CADM2: variants seen among roughly 807,000 people sequenced by gnomAD.
The protein encoded by CADM2 is immunoglobulin superfamily member 4D.
CADM2 carries 12 observed loss-of-function variants against 49.8 expected under a neutral mutation model. The observed-to-expected ratio is 0.24, with a 90% CI of 0.15 to 0.39. The LOEUF is 0.39. Ranked by LOEUF, CADM2 falls within the 10% of genes least tolerant of loss-of-function variation. The probability of loss-of-function intolerance (pLI) is 1.00; values close to 1 mark genes in which losing one functional copy is unlikely to be tolerated. For synonymous variants in CADM2, 214 were observed against 175.4 expected, an observed-to-expected ratio of 1.22 and a Z score of -1.74; for missense variants, 378 against 492.3, an observed-to-expected ratio of 0.77 and a Z score of 2.20.
chr3:85,397,432 T>C (rs2034847003), intron 1 of CADM2, among the ~76,000 whole-genome samples: 2 of 152,144 alleles, frequency 1.3e-5, no homozygotes, highest in African/African-American at 4.8e-5. Context: ...TGTACACCTA[T>C]GTTCATAGCA....
chr3:85,078,359 A>C (rs565672071), intron 1 of CADM2, among the ~76,000 whole-genome samples: 4 of 152,072 alleles, frequency 2.6e-5, no homozygotes, highest in Non-Finnish European at 5.9e-5. Context: ...TTCCTGCTAC[A>C]GATAGAAGGT....
intron 1 of CADM2, among the ~76,000 whole-genome samples, chr3:85,552,623 G>T (rs1450951736): frequency 6.6e-6 from 1 of 150,934 alleles, no homozygotes; most frequent in African/African-American, 2.4e-5. Context: ...CTTGTGATCC[G>T]CCCACCTCAA....
chr3:85,060,103 G>A (rs2107440090), intron 1 of CADM2, among the ~76,000 whole-genome samples: 1 of 151,900 alleles, frequency 6.6e-6, no homozygotes, highest in African/African-American at 2.4e-5. Context: ...ATACCTTTTT[G>A]TACTCTCCAG....
chr3:85,175,795 G>T (rs1235010065), intron 1 of CADM2, among the ~76,000 whole-genome samples: 1 of 151,020 alleles, frequency 6.6e-6, no homozygotes, highest in Non-Finnish European at 1.5e-5. Context: ...ATTGTTTAAT[G>T]AAATAATGAA....
intron 1 of CADM2, among the ~76,000 whole-genome samples, chr3:85,416,379 G>A (rs1422259523): frequency 2.0e-5 from 3 of 151,818 alleles, no homozygotes; most frequent in Non-Finnish European, 2.9e-5. Flanking sequence ...TAAAAGTTTC[G>A]ATACTGTTAG....
In CADM2 at chr3:85,686,984, G is replaced by A. The variant is rs569292214; in HGVS notation, c.62-39538G>A. Among the ~76,000 whole-genome samples the A allele has an allele frequency of 3.3e-5, 5 of 152,266 alleles. No individual in the cohort carries two copies. In the South Asian group the frequency reaches 1.0e-3, roughly 32 times the overall value. On this transcript the variant is annotated intron_variant, in intron 1 of 9. Coordinates refer to ENST00000383699, the MANE Select transcript of CADM2 (RefSeq NM_001167675.2). ...TGTGCTCTGACCACCTTGGGCACAT[G>A]TGTTCAGGACCTCTTGAGGCTGTGT...
At chr3:85,520,877 G>T (rs2061013413) in intron 1 of CADM2, among the ~76,000 whole-genome samples, 1 of 151,994 alleles carries the variant, frequency 6.6e-6, no homozygotes, top group South Asian at 2.1e-4. Context: ...TGGTGGAAAA[G>T]TTTTTGGAAT....
chr3:85,963,855 C>T (rs1367682888), intron 8 of CADM2, among the ~76,000 whole-genome samples: 1 of 151,754 alleles, frequency 6.6e-6, no homozygotes, highest in Non-Finnish European at 1.5e-5. Flanking sequence ...GCTTTTTGAA[C>T]TACAATTCAT....
intron 1 of CADM2, among the ~76,000 whole-genome samples, chr3:85,632,016 C>T (rs538970258): frequency 1.3e-5 from 2 of 152,170 alleles, no homozygotes; most frequent in East Asian, 1.9e-4. Flanking sequence ...TTTTCCTCTA[C>T]AATACTTAAA....
intron 8 of CADM2, among the ~76,000 whole-genome samples, chr3:86,055,511 G>T (rs549223348): frequency 4.7e-5 from 6 of 126,382 alleles, no homozygotes; most frequent in Non-Finnish European, 9.3e-5. Flanking sequence ...CTGTCACCCT[G>T]GCTGGAGTGC....
intron 1 of CADM2, among the ~76,000 whole-genome samples, chr3:85,158,896 A>G (rs2040227471): frequency 6.6e-6 from 1 of 152,082 alleles, no homozygotes; most frequent in East Asian, 1.9e-4. Flanking sequence ...TTAACACTGC[A>G]TTTATTTTAG....
Position 86,070,967 on chromosome 3 carries a change from G to T in CADM2, c.*4184G>T, listed in dbSNP as rs1739818124. 1 of 151,842 alleles carries T rather than the reference G, an allele frequency of 6.6e-6. No individual in the cohort carries two copies. Among genetic ancestry groups the T allele is most frequent in the African/African-American group, 2.4e-5 (1 of 41,398 alleles). The allele number at this position is 151,842 out of a possible 1,614,324, so 9.4% of individuals were successfully genotyped here. A position where few individuals can be genotyped will look rare whatever the true frequency, so the allele number is the denominator to read the frequency against. ...ATACTTAATGCAAAGGGATTTTAAAGAATTCTTCAGCAAGATCCAAGAGGT... is the reference window on the plus strand; with the variant it reads ...ATACTTAATGCAAAGGGATTTTAAATAATTCTTCAGCAAGATCCAAGAGGT... On this transcript the variant is annotated 3_prime_UTR_variant, in exon 10 of 10. Coordinates refer to ENST00000383699, the MANE Select transcript of CADM2 (RefSeq NM_001167675.2).
chr3:85,634,531 G>T (rs2064403515), intron 1 of CADM2, among the ~76,000 whole-genome samples: 1 of 151,914 alleles, frequency 6.6e-6, no homozygotes, highest in Non-Finnish European at 1.5e-5. Flanking sequence ...GTGTAACAAG[G>T]TATGTCAAAA....
chr3:86,044,918 A>T (rs1736458538), intron 8 of CADM2, among the ~76,000 whole-genome samples: 1 of 152,130 alleles, frequency 6.6e-6, no homozygotes, highest in Non-Finnish European at 1.5e-5. Context: ...AGGGACATGG[A>T]TGAAGCTGGA....
At chr3:85,282,557 C>A (rs765966008) in intron 1 of CADM2, among the ~76,000 whole-genome samples, 4 of 151,354 alleles carry the variant, frequency 2.6e-5, no homozygotes, top group Non-Finnish European at 5.9e-5. Flanking sequence ...CAGGGGTGAT[C>A]CGCTGTGTCC....
intron 1 of CADM2, among the ~76,000 whole-genome samples, chr3:85,353,482 T>G (rs1232148407): frequency 1.3e-5 from 2 of 152,062 alleles, no homozygotes; most frequent in African/African-American, 2.4e-5. Flanking sequence ...TGAATTAATT[T>G]TATATGATTG....
intron 1 of CADM2, among the ~76,000 whole-genome samples, chr3:84,984,685 C>T (rs1441043996): frequency 6.6e-6 from 1 of 151,954 alleles, no homozygotes; most frequent in Non-Finnish European, 1.5e-5. Flanking sequence ...AATTAAAGAA[C>T]AAACTATTTA....
At chr3:85,404,494 CAT>C (rs1290325925) in intron 1 of CADM2, among the ~76,000 whole-genome samples, 2 of 152,006 alleles carry the variant, frequency 1.3e-5, no homozygotes, top group African/African-American at 4.8e-5. Flanking sequence ...TGGTGGAAAA[CAT>C]ATTCAATGCT....
intron 2 of CADM2, among the ~76,000 whole-genome samples, chr3:85,782,639 G>C (rs1412651780): frequency 7.2e-6 from 1 of 138,782 alleles, no homozygotes; most frequent in Admixed American, 7.6e-5. Flanking sequence ...CTGGGCGACA[G>C]AATGAGACTC....
Sources: allele counts gnomAD v4.1 joint callset (sites outside exome capture counted in the v4.1 genomes callset), GRCh38; gene constraint gnomAD v4.1.1; transcripts MANE v1.5; gene names NCBI Gene and HGNC (gene_info 2026-07-23, HGNC 2026-07-21).